Variants in CEP104 observed in about 807,000 individuals in gnomAD.
CEP104 encodes the protein centrosomal protein of 104 kDa.
Under a neutral mutation model 113.3 loss-of-function variants are expected in CEP104, and 84 were observed. The observed-to-expected ratio is 0.74, with a 90% CI of 0.62 to 0.89. The LOEUF (loss-of-function observed/expected upper bound fraction) is 0.89, where lower values mean the gene tolerates loss of function less well. Ranked by LOEUF, CEP104 falls within the 40% of genes least tolerant of loss-of-function variation. CEP104 has a pLI of 0.00. For synonymous variants in CEP104, 378 were observed against 421.7 expected (o/e 0.90, Z 1.27); for missense variants, 1,053 against 1,156.6 (o/e 0.91, Z 1.30).
At chr1:3,822,463 G>C (rs974604831) in intron 20 of CEP104, among the ~76,000 whole-genome samples, 2 of 152,234 alleles carry the variant, frequency 1.3e-5, no homozygotes, top group Non-Finnish European at 2.9e-5. Flanking sequence ...GGTGGCAGGA[G>C]CTAAGGAGGT....
In CEP104 at chr1:3,823,612, C is replaced by G; in HGVS notation, c.2365-50G>C. On this transcript the variant is annotated intron_variant, in intron 18 of 21. Transcript: ENST00000378230. The surrounding 1 kb of genome is among the most constrained non-coding windows in gnomAD (Gnocchi z 4.1). ...GCATGTTGCTGAGAAAGCGGCAGCG[C>G]CCTCCAGCCAGCCTGCAGAGCCTGT... The G allele has an allele frequency of 6.2e-7, 1 of 1,612,050 alleles. No homozygotes were observed. Among genetic ancestry groups the G allele is most frequent in the Non-Finnish European group, 8.5e-7 (1 of 1,179,054 alleles).
chr1:3,813,574 G>C lies in CEP104; in HGVS notation c.*1828C>G, dbSNP rs1643828622. Reference sequence around the variant, plus strand: ...TCTCCTTATAAACACATTTAACCTGGGCGTGGTGGCTCACGCCTGTAATCC... The same window carrying C: ...TCTCCTTATAAACACATTTAACCTGCGCGTGGTGGCTCACGCCTGTAATCC... On this transcript the variant is annotated 3_prime_UTR_variant, in exon 22 of 22. Coordinates refer to ENST00000378230, the MANE Select transcript of CEP104 (RefSeq NM_014704.4). 1 of 149,880 alleles carries C rather than the reference G, an allele frequency of 6.7e-6. No individual in the cohort carries two copies. The highest frequency in any genetic ancestry group is 1.5e-5 in the Non-Finnish European group (1 of 67,492). The allele number at this position is 149,880 out of a possible 1,614,324, so 9.3% of individuals were successfully genotyped here.
At chr1:3,829,736 C>T in intron 14 of CEP104, 55 bp downstream of exon 14, 1 of 1,530,394 alleles carries the variant, frequency 6.5e-7, no homozygotes, top group Non-Finnish European at 9.0e-7. Flanking sequence ...TACCGAGTAA[C>T]TGAGTAACTT....
At chr1:3,853,425 A>G (rs946100951) in intron 1 of CEP104, among the ~76,000 whole-genome samples, 3 of 152,014 alleles carry the variant, frequency 2.0e-5, no homozygotes, top group Non-Finnish European at 4.4e-5. Flanking sequence ...AAGGCTCCTC[A>G]CTAAACCAGG....
At chr1:3,839,817 C>T in intron 6 of CEP104, 41 bp from the exon 7 acceptor site, 2 of 1,549,188 alleles carry the variant, frequency 1.3e-6, no homozygotes, top group Non-Finnish European at 1.8e-6. Flanking sequence ...AATTTCACGC[C>T]CTAGGAGTTC....
chr1:3,828,036 G>T (rs995519761), intron 15 of CEP104, among the ~76,000 whole-genome samples: 1 of 152,224 alleles, frequency 6.6e-6, no homozygotes, highest in Non-Finnish European at 1.5e-5. Context: ...GGGACAGACA[G>T]TGCTGTGTGC....
At position 3,845,362 on chromosome 1, in the gene CEP104, G is replaced by A; in HGVS notation, c.427-11C>T. On this transcript the variant is annotated splice_polypyrimidine_tract_variant and intron_variant, in intron 4 of 21. Coordinates refer to ENST00000378230, the MANE Select transcript of CEP104 (RefSeq NM_014704.4). The stretch of plus-strand genomic sequence containing the variant: ...GGCAACCAAAGCAACCTAAGAAAGT[G>A]TTAAAATAACAGAATTAAATATACA... 6.4e-7 allele frequency: 1 copy of A among 1,569,726 alleles called. No individual in the cohort carries two copies. Among genetic ancestry groups the A allele is most frequent in the Non-Finnish European group, 8.7e-7 (1 of 1,144,562 alleles).
intron 15 of CEP104, 104 bp from the exon 16 acceptor site, chr1:3,826,848 T>C: frequency 8.0e-7 from 1 of 1,245,786 alleles, no homozygotes. Context: ...TTCTGGGTTT[T>C]GTTTTAGAAT....
At chr1:3,821,804 C>G (rs754005343) in intron 20 of CEP104, among the ~76,000 whole-genome samples, 2 of 152,198 alleles carry the variant, frequency 1.3e-5, no homozygotes, top group Middle Eastern at 3.2e-3. Context: ...AGAAGCCCTA[C>G]GGGGCAAACA....
chr1:3,832,508 T>C (rs1417090943), intron 12 of CEP104, among the ~76,000 whole-genome samples: 1 of 98,770 alleles, frequency 1.0e-5, no homozygotes, highest in Non-Finnish European at 2.6e-5. Context: ...GAGTGTAGTG[T>C]AGGTCGTGAC....
intron 18 of CEP104, 128 bp downstream of exon 18, chr1:3,825,630 T>C: frequency 1.5e-6 from 1 of 659,296 alleles, no homozygotes; most frequent in Non-Finnish European, 2.7e-6. Flanking sequence ...TGTGCTTGGC[T>C]TCAGTTACTT....
chr1:3,835,950 G>C (rs1449194392), intron 10 of CEP104, among the ~76,000 whole-genome samples: 1 of 148,590 alleles, frequency 6.7e-6, no homozygotes, highest in African/African-American at 2.5e-5. Flanking sequence ...GCTATAGTGA[G>C]TTATGATCAC....
intron 2 of CEP104, among the ~76,000 whole-genome samples, chr1:3,850,303 G>T (rs895283287): frequency 1.3e-5 from 2 of 152,170 alleles, no homozygotes; most frequent in Admixed American, 6.5e-5. Flanking sequence ...CATATGAAAA[G>T]AAACCACACA....
chr1:3,825,950 T>A (rs1644082294), intron 17 of CEP104, 84 bp from the exon 18 acceptor site: 1 of 934,066 alleles, frequency 1.1e-6, no homozygotes, highest in Non-Finnish European at 1.7e-6. Flanking sequence ...GAGGAAATTC[T>A]GAATTTCCCC....
rs1109899 is a variant in CEP104 at position 3,834,873 on chromosome 1, C to T, written c.1485+52G>A. The T allele has an allele frequency of 7.0e-3, 10,465 of 1,504,978 alleles. 632 individuals are homozygous for T. In the African/African-American group the frequency reaches 0.13, roughly 18 times the overall value. The allele number at this position is 1,504,978 out of a possible 1,614,324, so 93.2% of individuals were successfully genotyped here. On this transcript the variant is annotated intron_variant, in intron 11 of 21. Coordinates refer to ENST00000378230, the MANE Select transcript of CEP104 (RefSeq NM_014704.4). The stretch of plus-strand genomic sequence containing the variant: ...GCTGCTCTGGTCTTCTGTGGTACGG[C>T]GCATGATCTCATCCATGCACGCTGG...
chr1:3,856,310 A>C (rs1644727978), intron 1 of CEP104, among the ~76,000 whole-genome samples: 5 of 152,134 alleles, frequency 3.3e-5, no homozygotes, highest in Non-Finnish European at 2.9e-5. Flanking sequence ...TGAACCCGGG[A>C]GGCGGAGGCT....
At chr1:3,838,848 C>T in intron 8 of CEP104, 116 bp downstream of exon 8, 1 of 1,101,986 alleles carries the variant, frequency 9.1e-7, no homozygotes, top group Non-Finnish European at 1.3e-6. Flanking sequence ...GTCCCCTGAG[C>T]ACTGCAGAGT....
intron 4 of CEP104, among the ~76,000 whole-genome samples, chr1:3,846,134 C>A (rs1195259399): frequency 6.6e-6 from 1 of 151,122 alleles, no homozygotes; most frequent in Non-Finnish European, 1.5e-5. Flanking sequence ...GCTAAAAACT[C>A]CCAAAGTTTT....
At chr1:3,837,778 C>T (rs1359575943) in intron 8 of CEP104, among the ~76,000 whole-genome samples, 1 of 152,250 alleles carries the variant, frequency 6.6e-6, no homozygotes, top group Non-Finnish European at 1.5e-5. Flanking sequence ...ATCCAAAATG[C>T]TAGTGAAGGA....
Sources: allele counts gnomAD v4.1 joint callset (sites outside exome capture counted in the v4.1 genomes callset), GRCh38; gene constraint gnomAD v4.1.1; non-coding constraint Gnocchi (gnomAD v3.1); transcripts MANE v1.5; gene names NCBI Gene and HGNC (gene_info 2026-07-23, HGNC 2026-07-21).